The following NWD2 variants were observed in gnomAD, a reference collection of about 807,000 sequenced individuals.
The protein encoded by NWD2 is NACHT and WD repeat domain-containing protein 2.
In NWD2, 37 loss-of-function variants were observed where a neutral mutation model predicts 132.7. The observed-to-expected ratio is 0.28, with a 90% CI of 0.21 to 0.37. The LOEUF (loss-of-function observed/expected upper bound fraction) is 0.37. Ranked by LOEUF, NWD2 falls within the 10% of genes least tolerant of loss-of-function variation. The pLI, the probability that NWD2 is intolerant of heterozygous loss-of-function variation, is 1.00. For synonymous variants in NWD2, 705 were observed against 803.0 expected (o/e 0.88, Z 2.06); for missense variants, 1,592 against 2,122.4 (o/e 0.75, Z 4.91).
At chr4:37,409,315 A>G (rs557622431) in intron 3 of NWD2, among the ~76,000 whole-genome samples, 1 of 152,112 alleles carries the variant, frequency 6.6e-6, no homozygotes, top group South Asian at 2.1e-4. Context: ...AAGAACATAA[A>G]TGACCTGATG....
chr4:37,307,544 C>T (rs143582898), intron 1 of NWD2, among the ~76,000 whole-genome samples: 209 of 152,178 alleles, frequency 1.4e-3, no homozygotes, highest in African/African-American at 4.5e-3. Context: ...TTTTCTCTTG[C>T]GGTTTTTACA....
intron 3 of NWD2, among the ~76,000 whole-genome samples, chr4:37,403,012 G>C (rs1013740321): frequency 6.6e-6 from 1 of 152,110 alleles, no homozygotes; most frequent in Non-Finnish European, 1.5e-5. Context: ...GAGAGAGAGA[G>C]TTAGGCAGCT....
At chr4:37,415,001 G>T (rs1711547302) in intron 3 of NWD2, among the ~76,000 whole-genome samples, 1 of 152,120 alleles carries the variant, frequency 6.6e-6, no homozygotes, top group Admixed American at 6.5e-5. Context: ...CACTGTCGGT[G>T]CATCCATATT....
chr4:37,363,936 A>G (rs1287527617), intron 3 of NWD2, among the ~76,000 whole-genome samples: 2 of 150,972 alleles, frequency 1.3e-5, no homozygotes, highest in African/African-American at 4.9e-5. Context: ...AGCCTGGCCA[A>G]CGTGGTGAAA....
At chr4:37,361,603 T>C (rs1277945083) in intron 3 of NWD2, among the ~76,000 whole-genome samples, 1 of 151,954 alleles carries the variant, frequency 6.6e-6, no homozygotes, top group African/African-American at 2.4e-5. Context: ...TCCATAGACA[T>C]GGAAAAAGCT....
In NWD2 at chr4:37,325,983, C is replaced by G; in HGVS notation, c.199C>G (p.Leu67Val). The G allele has an allele frequency of 6.5e-7, 1 of 1,548,488 alleles. No individual in the cohort carries two copies. Among genetic ancestry groups the G allele is most frequent in the Non-Finnish European group, 8.7e-7 (1 of 1,144,522 alleles). Residue 67 changes from leucine to valine, a missense_variant, in exon 2 of 7, where the codon CTG (leucine) becomes GTG (valine). By Grantham distance (32) the Leu-to-Val change is conservative. Coordinates refer to ENST00000309447, the MANE Select transcript of NWD2 (RefSeq NM_001144990.2). The stretch of plus-strand genomic sequence containing the variant: ...GCTAAGAGAAAATGTATATCCTAAA[C>G]TGAGAGAATTCTGCAGAGAAAACTA... ...QALRENVYPK[L>V]REFCRENYGL...
intron 1 of NWD2, among the ~76,000 whole-genome samples, chr4:37,309,149 G>T (rs1157875367): frequency 7.2e-5 from 11 of 152,146 alleles, no homozygotes. Flanking sequence ...GATGGAGAAG[G>T]CCCTGCAGGC....
At chr4:37,404,668 A>G (rs1720959628) in intron 3 of NWD2, among the ~76,000 whole-genome samples, 1 of 152,194 alleles carries the variant, frequency 6.6e-6, no homozygotes, top group African/African-American at 2.4e-5. Flanking sequence ...AGACTGGATA[A>G]TTTATGAAGA....
chr4:37,279,063 A>AT (rs1718079317), intron 1 of NWD2, among the ~76,000 whole-genome samples: 1 of 152,214 alleles, frequency 6.6e-6, no homozygotes, highest in Non-Finnish European at 1.5e-5. Context: ...CACAAGGTTG[A>AT]TTAAAAAAAA....
chr4:37,336,833 G>A (rs1283931841), intron 2 of NWD2, among the ~76,000 whole-genome samples: 1 of 151,740 alleles, frequency 6.6e-6, no homozygotes, highest in African/African-American at 2.4e-5. Context: ...CAGCTACTCG[G>A]GAGGCTGAGG....
At chr4:37,304,653 G>A (rs1263880417) in intron 1 of NWD2, among the ~76,000 whole-genome samples, 2 of 152,192 alleles carry the variant, frequency 1.3e-5, no homozygotes, top group East Asian at 3.9e-4. Flanking sequence ...AACCCAGCAG[G>A]GCAGTCATTA....
At chr4:37,372,439 C>A (rs1407646223) in intron 3 of NWD2, among the ~76,000 whole-genome samples, 4 of 152,166 alleles carry the variant, frequency 2.6e-5, no homozygotes, top group Non-Finnish European at 5.9e-5. Flanking sequence ...AAGGCATGAA[C>A]CCAGGTAGGC....
chr4:37,287,828 A>T (rs1718267039), intron 1 of NWD2, among the ~76,000 whole-genome samples: 2 of 152,222 alleles, frequency 1.3e-5, no homozygotes, highest in African/African-American at 4.8e-5. Flanking sequence ...TTCCCAAAGG[A>T]ATATAAGTCA....
At chr4:37,308,011 AT>A (rs1718746320) in intron 1 of NWD2, among the ~76,000 whole-genome samples, 1 of 151,848 alleles carries the variant, frequency 6.6e-6, no homozygotes, top group Non-Finnish European at 1.5e-5. Flanking sequence ...TGTTTTTCTG[AT>A]TTTGATGAAT....
rs565257489 is a variant in NWD2, at chr4:37,447,295, T to C, written c.*78T>C. 4.6e-6 allele frequency: 5 copies of C among 1,093,692 alleles called. No individual in the cohort carries two copies. The East Asian group carries it at 1.3e-4, about 28-fold the overall frequency. 67.7% of individuals were successfully genotyped at this position (1,093,692 alleles called of 1,614,324 possible). On this transcript the variant is annotated 3_prime_UTR_variant, in exon 7 of 7. Coordinates refer to ENST00000309447, the MANE Select transcript of NWD2 (RefSeq NM_001144990.2). ...AAAATGTGCCCCAAATGATAAACTA[T>C]TCATTTATTAAAAGGCAGGAGCGAT...
chr4:37,364,546 C>T (rs1260383145), intron 3 of NWD2, among the ~76,000 whole-genome samples: 10 of 152,154 alleles, frequency 6.6e-5, no homozygotes, highest in African/African-American at 2.2e-4. Context: ...GTAGCATCCT[C>T]ATCGGGGCTG....
At chr4:37,361,815 CT>C (rs2109302533) in intron 3 of NWD2, among the ~76,000 whole-genome samples, 1 of 152,232 alleles carries the variant, frequency 6.6e-6, no homozygotes, top group African/African-American at 2.4e-5. Context: ...ACTGGAAGTG[CT>C]AGCTAGAGAA....
At chr4:37,415,194 A>G (rs1711557022) in intron 3 of NWD2, among the ~76,000 whole-genome samples, 1 of 152,180 alleles carries the variant, frequency 6.6e-6, no homozygotes, top group Non-Finnish European at 1.5e-5. Context: ...TATGGGAGAA[A>G]TAGCATAGAC....
chr4:37,354,591 C>T lies in NWD2; in HGVS notation c.241-1775C>T, dbSNP rs573925221. Among the ~76,000 whole-genome samples the T allele has an allele frequency of 1.1e-4, 16 of 152,268 alleles. No individual in the cohort carries two copies. The East Asian group carries it at 2.9e-3, about 28-fold the overall frequency. On this transcript the variant is annotated intron_variant, in intron 2 of 6. Coordinates refer to ENST00000309447, the MANE Select transcript of NWD2 (RefSeq NM_001144990.2). ...CAGTCTACTTGCCAGCTTTTCTTAA[C>T]TCATTGTTCAACCAAGGCTATTATT...
Sources: gnomAD v4.1 joint callset for allele counts (sites outside exome capture counted in the v4.1 genomes callset) on GRCh38, gnomAD v4.1.1 for gene constraint, MANE v1.5 for transcripts, NCBI Gene and HGNC (gene_info 2026-07-23, HGNC 2026-07-21) for gene names.